POC5: variants seen among roughly 807,000 people sequenced by gnomAD.
POC5 encodes POC5 centriolar protein.
In POC5, 48 loss-of-function variants were observed where a neutral mutation model predicts 62.9. That is an observed-to-expected ratio of 0.76 (90% CI 0.61 to 0.97). POC5 has a LOEUF of 0.97. POC5 is among the 50% of genes least tolerant of loss of function. POC5 has a pLI of 0.00. For synonymous variants in POC5, 236 were observed against 228.2 expected, an observed-to-expected ratio of 1.03 and a Z score of -0.31; for missense variants, 696 against 679.5, an observed-to-expected ratio of 1.02 and a Z score of -0.27.
At chr5:75,676,372 A>C (rs1012154410) in intron 11 of POC5, among the ~76,000 whole-genome samples, 8 of 152,170 alleles carry the variant, frequency 5.3e-5, no homozygotes, top group African/African-American at 1.9e-4. Context: ...CCAACTTATG[A>C]AACATGAAAC....
At chr5:75,690,306 A>C in intron 8 of POC5, 77 bp downstream of exon 8, 7 of 1,279,576 alleles carry the variant, frequency 5.5e-6, no homozygotes, top group Non-Finnish European at 7.4e-6. Context: ...CAAAAGAAGA[A>C]GTCTATTAAT....
chr5:75,686,941 G>T (rs1776117277), intron 9 of POC5, among the ~76,000 whole-genome samples: 1 of 152,150 alleles, frequency 6.6e-6, no homozygotes, highest in African/African-American at 2.4e-5. Flanking sequence ...AGACAGCAAA[G>T]AATCGGTACA....
intron 5 of POC5, among the ~76,000 whole-genome samples, chr5:75,697,633 A>C (rs1251513345): frequency 6.6e-6 from 1 of 152,182 alleles, no homozygotes; most frequent in African/African-American, 2.4e-5. Context: ...GAGACTAGGA[A>C]GAAACTGCAT....
At chr5:75,714,386 AAGAG>A (rs1226196107) in intron 1 of POC5, among the ~76,000 whole-genome samples, 1 of 152,272 alleles carries the variant, frequency 6.6e-6, no homozygotes, top group South Asian at 2.1e-4. Context: ...TCAAAAAAAA[AAGAG>A]AGAGAGATCA....
intron 9 of POC5, among the ~76,000 whole-genome samples, chr5:75,686,535 G>C (rs987268459): frequency 3.9e-5 from 6 of 152,192 alleles, no homozygotes; most frequent in African/African-American, 1.4e-4. Flanking sequence ...CTCCTCTGAT[G>C]AAAGGGACTA....
At position 75,696,183 on chromosome 5, in the gene POC5, C is replaced by A. The variant is rs138887034; in HGVS notation, c.514-1352G>T. 1.2e-3 allele frequency: 186 copies of A among 156,820 alleles called. 1 individual carries two copies. The East Asian group carries it at 0.028, about 23-fold the overall frequency. 9.7% of individuals were successfully genotyped at this position (156,820 alleles called of 1,614,324 possible). A position where few individuals can be genotyped will look rare whatever the true frequency, so the allele number is the denominator to read the frequency against. ...GCTTGCTTAGGTAAACAAAGCAGCCCGGAAGCTCGAACTGGGTGGAGCCCA... is the reference window on the plus strand; with the variant it reads ...GCTTGCTTAGGTAAACAAAGCAGCCAGGAAGCTCGAACTGGGTGGAGCCCA... On this transcript the variant is annotated intron_variant, in intron 5 of 11. Coordinates refer to ENST00000428202, the MANE Select transcript of POC5 (RefSeq NM_001099271.2).
chr5:75,692,546 C>G (rs1485891197), intron 6 of POC5, 46 bp from the exon 7 acceptor site: 8 of 1,328,046 alleles, frequency 6.0e-6, no homozygotes, highest in Non-Finnish European at 8.3e-6. Flanking sequence ...AAAATAACAG[C>G]AATTGGTAAA....
Position 75,685,255 on chromosome 5 carries a change from A to T in POC5, c.1359T>A (p.Val453=). The change falls in exon 10 of 12, where the codon GTT becomes GTA. Residue 453 remains valine, a synonymous_variant. Coordinates refer to ENST00000428202, the MANE Select transcript of POC5 (RefSeq NM_001099271.2). ...CTGCAGATCCTGCACCAAGAGCAGAAACAGGAACGTGAACAGAAGATGCGG... is the reference window on the plus strand; with the variant it reads ...CTGCAGATCCTGCACCAAGAGCAGATACAGGAACGTGAACAGAAGATGCGG... ...AASASSVHVP[V]SALGAGSAAT... 1 of 1,613,988 alleles carries T rather than the reference A, an allele frequency of 6.2e-7. No individual in the cohort carries two copies. The highest frequency in any genetic ancestry group is 8.5e-7 in the Non-Finnish European group (1 of 1,179,874).
At position 75,685,353 on chromosome 5, in the gene POC5, G is replaced by A. The variant is rs1217803439; in HGVS notation, c.1261C>T (p.Pro421Ser). The change falls in exon 10 of 12, where the codon CCA becomes TCA. Residue 421 changes from proline (P) to serine (S), a missense_variant. Pro to Ser is a moderately conservative substitution (Grantham distance 74). Transcript: ENST00000428202. ...PVTSPLLPSP[P>S]AAVGGASATA... is the part of the protein sequence containing the mutation. The stretch of plus-strand genomic sequence containing the variant: ...GCGCTGGCTCCTCCGACGGCGGCTG[G>A]TGGGGATGGCAGCAGTGGTGATGTA... The A allele has an allele frequency of 1.4e-5, 23 of 1,613,930 alleles. No individual in the cohort carries two copies. The highest frequency in any genetic ancestry group is 1.9e-5 in the Non-Finnish European group (23 of 1,179,914).
chr5:75,684,531 A>AT (rs1304173077), intron 10 of POC5, among the ~76,000 whole-genome samples: 6 of 151,908 alleles, frequency 3.9e-5, no homozygotes, highest in African/African-American at 1.4e-4. Context: ...CGCTCGGCTA[A>AT]TTTTTTGTAT....
At chr5:75,695,308 C>T (rs1216859957) in intron 5 of POC5, among the ~76,000 whole-genome samples, 1 of 152,096 alleles carries the variant, frequency 6.6e-6, no homozygotes, top group African/African-American at 2.4e-5. Context: ...TTATAATGGA[C>T]TGCTATGTTC....
At chr5:75,693,899 C>G (rs1474991805) in intron 6 of POC5, among the ~76,000 whole-genome samples, 2 of 152,170 alleles carry the variant, frequency 1.3e-5, no homozygotes, top group Non-Finnish European at 2.9e-5. Flanking sequence ...AGACTTGAAT[C>G]TTACCCTCGA....
intron 10 of POC5, among the ~76,000 whole-genome samples, chr5:75,681,588 T>A (rs1419348375): frequency 6.6e-6 from 1 of 150,636 alleles, no homozygotes; most frequent in African/African-American, 2.4e-5. Flanking sequence ...CATTTTAATA[T>A]TATTATTTTT....
At chr5:75,684,489 C>T (rs1023615188) in intron 10 of POC5, among the ~76,000 whole-genome samples, 6 of 151,730 alleles carry the variant, frequency 4.0e-5, no homozygotes, top group East Asian at 1.9e-4. Flanking sequence ...CTCAGCCTCC[C>T]GAGTAGATGG....
rs1290745389 is a variant in POC5 at position 75,694,647 on chromosome 5, A to C, written c.690+8T>G. ...ATCTCAGTTAAAAAGAAATATAAAAAAGAAGACCTCATCTTTTCTCCCAAT... is the reference window on the plus strand; with the variant it reads ...ATCTCAGTTAAAAAGAAATATAAAACAGAAGACCTCATCTTTTCTCCCAAT... On this transcript the variant is annotated splice_region_variant and intron_variant, in intron 6 of 11. Transcript: ENST00000428202. The C allele has an allele frequency of 6.7e-7, 1 of 1,491,288 alleles. No homozygotes were observed. The highest frequency in any genetic ancestry group is 2.6e-5 in the Admixed American group (1 of 38,324). The allele number at this position is 1,491,288 out of a possible 1,614,324, so 92.4% of individuals were successfully genotyped here. A position where few individuals can be genotyped will look rare whatever the true frequency, so the allele number is the denominator to read the frequency against.
intron 10 of POC5, among the ~76,000 whole-genome samples, chr5:75,682,297 T>G (rs189788036): frequency 1.1e-3 from 174 of 152,336 alleles, no homozygotes; most frequent in African/African-American, 3.9e-3. Context: ...TAAATGCAGA[T>G]GTACCCATGA....
chr5:75,705,586 A>AT (rs765560623), intron 4 of POC5, 118 bp downstream of exon 4: 7 of 607,814 alleles, frequency 1.2e-5, no homozygotes, highest in Non-Finnish European at 1.9e-5. Context: ...CAATAATAGC[A>AT]TTTTAAAATC....
chr5:75,686,808 T>C (rs188553160), intron 9 of POC5, among the ~76,000 whole-genome samples: 34 of 152,278 alleles, frequency 2.2e-4, no homozygotes, highest in Admixed American at 1.5e-3. Context: ...CTGTGCCTAA[T>C]TGGCACAGTA....
chr5:75,684,626 G>A (rs1324670363), intron 10 of POC5, among the ~76,000 whole-genome samples: 1 of 152,084 alleles, frequency 6.6e-6, no homozygotes, highest in South Asian at 2.1e-4. Flanking sequence ...GCCTCCCAGA[G>A]TGCTGGGATT....
Sources: allele counts gnomAD v4.1 joint callset (sites outside exome capture counted in the v4.1 genomes callset), GRCh38; gene constraint gnomAD v4.1.1; transcripts MANE v1.5; gene names NCBI Gene and HGNC (gene_info 2026-07-23, HGNC 2026-07-21).